RAB3GAP1: variants seen among roughly 807,000 people sequenced by gnomAD.
RAB3GAP1 encodes RAB3 GTPase activating protein catalytic subunit 1.
Under a neutral mutation model 130.7 loss-of-function variants are expected in RAB3GAP1, and 86 were observed. The ratio of observed to expected loss-of-function variants is 0.66; its 90% CI spans 0.55 to 0.79. The LOEUF (loss-of-function observed/expected upper bound fraction) is 0.79. Ranked by LOEUF, RAB3GAP1 falls within the 30% of genes least tolerant of loss-of-function variation. The pLI is 0.00. For synonymous variants in RAB3GAP1, 367 were observed against 401.7 expected, an observed-to-expected ratio of 0.91 and a Z score of 1.03; for missense variants, 1,029 against 1,169.4, an observed-to-expected ratio of 0.88 and a Z score of 1.75.
chr2:135,094,961 G>C (rs1311341965), intron 5 of RAB3GAP1, among the ~76,000 whole-genome samples: 3 of 152,092 alleles, frequency 2.0e-5, no homozygotes, highest in Admixed American at 1.3e-4. Context: ...GGGTACTTAG[G>C]TTGATTCCAT....
At position 135,115,209 on chromosome 2, in the gene RAB3GAP1, C is replaced by A; in HGVS notation, c.483-7C>A. 6.2e-7 allele frequency: 1 copy of A among 1,603,696 alleles called. No homozygotes were observed. Among genetic ancestry groups the A allele is most frequent in the South Asian group, 1.1e-5 (1 of 90,838 alleles). ...GTATTCCATTCCTATTTAATCATGT[C>A]TTGCAGTCAGGTGCCACTCTTTGTG... is the stretch of plus-strand genomic sequence containing the variant. On this transcript the variant is annotated splice_region_variant and splice_polypyrimidine_tract_variant and intron_variant, in intron 6 of 23. Transcript: ENST00000264158.
downstream of RAB3GAP1, among the ~76,000 whole-genome samples, chr2:135,173,538 G>T (rs1003764367): frequency 3.3e-5 from 5 of 152,190 alleles, no homozygotes; most frequent in African/African-American, 1.2e-4. Context: ...AGGAGCAAAT[G>T]CATTCAGAGA....
chr2:135,116,931 T>C (rs1690987581), intron 7 of RAB3GAP1, among the ~76,000 whole-genome samples: 1 of 152,172 alleles, frequency 6.6e-6, no homozygotes, highest in Non-Finnish European at 1.5e-5. Flanking sequence ...ATAACATTTG[T>C]TAGAAAGATA....
chr2:135,065,899 T>C (rs1177838747), intron 3 of RAB3GAP1, among the ~76,000 whole-genome samples: 9 of 152,012 alleles, frequency 5.9e-5, no homozygotes, highest in African/African-American at 1.9e-4. Flanking sequence ...GCCTCCTCAG[T>C]AGCTGGGACT....
At chr2:135,081,343 TATATATATATATATATATACAC>T (rs1470970656) in intron 3 of RAB3GAP1, among the ~76,000 whole-genome samples, 14 of 89,028 alleles carry the variant, frequency 1.6e-4, no homozygotes, top group African/African-American at 7.8e-4. Context: ...TATATATATA[TATATATATATATATATATACAC>T]ACACGTGTGT....
intron 19 of RAB3GAP1, among the ~76,000 whole-genome samples, chr2:135,162,183 G>A (rs2104996839): frequency 6.6e-6 from 1 of 152,194 alleles, no homozygotes; most frequent in South Asian, 2.1e-4. Context: ...TTAAAAGGCA[G>A]TATTTTACAT....
intron 6 of RAB3GAP1, 133 bp from the exon 7 acceptor site, chr2:135,115,083 A>T (rs1690926499): frequency 2.6e-6 from 2 of 780,726 alleles, no homozygotes; most frequent in Non-Finnish European, 4.1e-6. Flanking sequence ...ATACACACAA[A>T]CCTGTGTTTT....
intron 19 of RAB3GAP1, among the ~76,000 whole-genome samples, chr2:135,155,325 C>T (rs1443819658): frequency 6.6e-6 from 1 of 151,356 alleles, no homozygotes; most frequent in Non-Finnish European, 1.5e-5. Context: ...GGAAAAGAGC[C>T]CAGAAAATGA....
intron 2 of RAB3GAP1, among the ~76,000 whole-genome samples, chr2:135,054,216 G>C (rs1471663656): frequency 2.6e-5 from 4 of 152,280 alleles, no homozygotes; most frequent in South Asian, 4.2e-4. Flanking sequence ...CTGTAGGTCT[G>C]AGGTGGGACT....
chr2:135,065,466 A>C (rs1335585883), intron 3 of RAB3GAP1, among the ~76,000 whole-genome samples: 1 of 152,246 alleles, frequency 6.6e-6, no homozygotes, highest in South Asian at 2.1e-4. Flanking sequence ...AAAGCTATAC[A>C]TTAAACAGAT....
chr2:135,142,892 T>A (rs1691885013), intron 17 of RAB3GAP1, among the ~76,000 whole-genome samples: 1 of 151,982 alleles, frequency 6.6e-6, no homozygotes, highest in Non-Finnish European at 1.5e-5. Context: ...GTTTATTTTT[T>A]TTTTTTTTAG....
At chr2:135,140,591 G>C (rs546415719) in intron 17 of RAB3GAP1, among the ~76,000 whole-genome samples, 1 of 152,224 alleles carries the variant, frequency 6.6e-6, no homozygotes, top group Non-Finnish European at 1.5e-5. Flanking sequence ...TAGTTACACA[G>C]AGTGCACTTA....
At chr2:135,145,098 C>T (rs1467714846) in intron 17 of RAB3GAP1, among the ~76,000 whole-genome samples, 1 of 152,040 alleles carries the variant, frequency 6.6e-6, no homozygotes, top group Non-Finnish European at 1.5e-5. Context: ...AATATTTGTA[C>T]ATTTTTATGG....
chr2:135,103,006 G>GAAAAAAAA (rs371708711), intron 5 of RAB3GAP1, among the ~76,000 whole-genome samples: 8 of 70,692 alleles, frequency 1.1e-4, no homozygotes, highest in Admixed American at 1.9e-4. Flanking sequence ...GACTCCGTCT[G>GAAAAAAAA]AAAAAAAAAA....
intron 24 of RAB3GAP1, among the ~76,000 whole-genome samples, chr2:135,175,973 T>C (rs1442145617): frequency 6.6e-6 from 1 of 152,174 alleles, no homozygotes; most frequent in Admixed American, 6.5e-5. Flanking sequence ...TAACATACCA[T>C]TGTTCTTGTA....
intron 7 of RAB3GAP1, among the ~76,000 whole-genome samples, chr2:135,118,176 A>C (rs1014066412): frequency 3.9e-5 from 6 of 152,130 alleles, no homozygotes; most frequent in Non-Finnish European, 8.8e-5. Context: ...TCATTAATGA[A>C]TATGATCTTC....
intron 3 of RAB3GAP1, among the ~76,000 whole-genome samples, chr2:135,081,357 T>C (rs1423143820): frequency 3.5e-5 from 3 of 85,664 alleles, no homozygotes; most frequent in Non-Finnish European, 2.0e-5. Flanking sequence ...TATATATATA[T>C]ATATACACAC....
At chr2:135,061,222 A>G (rs1240216734) in intron 3 of RAB3GAP1, among the ~76,000 whole-genome samples, 2 of 152,060 alleles carry the variant, frequency 1.3e-5, no homozygotes, top group Non-Finnish European at 2.9e-5. Flanking sequence ...TTGTCCACAT[A>G]CGTACTATTA....
At position 135,162,581 on chromosome 2, in the gene RAB3GAP1, A is replaced by G. The variant is rs1482130606; in HGVS notation, c.2316A>G (p.Lys772=). 6.2e-7 allele frequency: 1 copy of G among 1,614,066 alleles called. No homozygotes were observed. The highest frequency in any genetic ancestry group is 1.7e-5 in the Admixed American group (1 of 60,008). Residue 772 remains lysine, a synonymous_variant, in exon 20 of 24, where the codon AAA becomes AAG. Transcript: ENST00000264158. The stretch of plus-strand genomic sequence containing the variant: ...TGCTGCACTATCTGGCAATCCAGAA[A>G]CCTGCAGACCTTGCTCGGCACCTGT... ...EKVLHYLAIQ[K]PADLARHLLP...
Sources: gnomAD v4.1 joint callset for allele counts (sites outside exome capture counted in the v4.1 genomes callset) on GRCh38, gnomAD v4.1.1 for gene constraint, MANE v1.5 for transcripts, NCBI Gene and HGNC (gene_info 2026-07-23, HGNC 2026-07-21) for gene names.